OSBPL8: variants seen among roughly 807,000 people sequenced by gnomAD.
OSBPL8 encodes the protein oxysterol-binding protein-related protein 8.
In OSBPL8, 59 loss-of-function variants were observed where a neutral mutation model predicts 125.5. That is an observed-to-expected ratio of 0.47 (90% CI 0.38 to 0.58). OSBPL8 has a LOEUF of 0.58. Ranked by LOEUF, OSBPL8 falls within the 20% of genes least tolerant of loss-of-function variation. The pLI is 0.00. For synonymous variants in OSBPL8, 330 were observed against 338.9 expected, an observed-to-expected ratio of 0.97 and a Z score of 0.29; for missense variants, 758 against 1,047.8, an observed-to-expected ratio of 0.72 and a Z score of 3.82.
At chr12:76,506,350 C>T (rs974933004) in intron 1 of OSBPL8, among the ~76,000 whole-genome samples, 5 of 151,932 alleles carry the variant, frequency 3.3e-5, no homozygotes, top group East Asian at 1.9e-4. Context: ...GTGAGGCTGA[C>T]GGGGAAGAGG....
intron 5 of OSBPL8, among the ~76,000 whole-genome samples, chr12:76,409,348 C>T (rs1954413691): frequency 6.6e-6 from 1 of 152,208 alleles, no homozygotes; most frequent in South Asian, 2.1e-4. Context: ...CTAAATTCCC[C>T]TCAGTGTATT....
chr12:76,388,460 A>G (rs1278993928), intron 12 of OSBPL8, among the ~76,000 whole-genome samples: 1 of 152,212 alleles, frequency 6.6e-6, no homozygotes, highest in Non-Finnish European at 1.5e-5. Flanking sequence ...GACAGGGGGC[A>G]TCTCTCAAGA....
In OSBPL8 at chr12:76,373,324, C is replaced by T. The variant is rs376801620; in HGVS notation, c.1917+20G>A. 1 of 1,448,474 alleles carries T rather than the reference C, an allele frequency of 6.9e-7. No individual in the cohort carries two copies. The highest frequency in any genetic ancestry group is 9.5e-7 in the Non-Finnish European group (1 of 1,054,072). The allele number at this position is 1,448,474 out of a possible 1,614,324, so 89.7% of individuals were successfully genotyped here. A position where few individuals can be genotyped will look rare whatever the true frequency, so the allele number is the denominator to read the frequency against. On this transcript the variant is annotated intron_variant, in intron 18 of 23. Transcript: ENST00000261183. ...ACAGAATAAAATTCTTTTTGTAAAG[C>T]TCATATACAAAATACTTACCCAATG... is the stretch of plus-strand genomic sequence containing the variant.
At position 76,355,724 on chromosome 12, in the gene OSBPL8, C is replaced by G. The variant is rs1258085834; in HGVS notation, c.*165G>C. ...TAATCAAATAGGATAGCTCTTGTTT[C>G]AGTGTGAAGATAAAAGATACGAAAA... On this transcript the variant is annotated 3_prime_UTR_variant, in exon 24 of 24. Transcript: ENST00000261183. 1 of 652,936 alleles carries G rather than the reference C, an allele frequency of 1.5e-6. No individual in the cohort carries two copies. The highest frequency in any genetic ancestry group is 2.5e-6 in the Non-Finnish European group (1 of 402,518). 40.4% of individuals were successfully genotyped at this position (652,936 alleles called of 1,614,324 possible). A position where few individuals can be genotyped will look rare whatever the true frequency, so the allele number is the denominator to read the frequency against.
At chr12:76,535,351 A>C (rs957561217) in intron 1 of OSBPL8, among the ~76,000 whole-genome samples, 2 of 152,040 alleles carry the variant, frequency 1.3e-5, no homozygotes, top group African/African-American at 4.8e-5. Context: ...AAATCCAAGA[A>C]AAGATGCTTA....
intron 4 of OSBPL8, among the ~76,000 whole-genome samples, chr12:76,432,189 T>C (rs558705282): frequency 5.3e-4 from 80 of 152,072 alleles, no homozygotes; most frequent in Non-Finnish European, 9.4e-4. Flanking sequence ...AAAGAGAAAT[T>C]TTAAAAACAA....
At chr12:76,369,915 A>C in intron 19 of OSBPL8, 93 bp from the exon 20 acceptor site, 2 of 1,194,178 alleles carry the variant, frequency 1.7e-6, no homozygotes, top group Non-Finnish European at 2.3e-6. Flanking sequence ...TAGAGAAAAT[A>C]ATGCTCACAT....
intron 1 of OSBPL8, among the ~76,000 whole-genome samples, chr12:76,533,360 T>G (rs1950402755): frequency 3.3e-5 from 5 of 152,222 alleles, no homozygotes; most frequent in Admixed American, 1.3e-4. Context: ...TGGATCCTAC[T>G]ACTCAAGGTG....
intron 1 of OSBPL8, among the ~76,000 whole-genome samples, chr12:76,536,049 A>T (rs776217655): frequency 2.6e-5 from 4 of 152,194 alleles, no homozygotes; most frequent in Non-Finnish European, 5.9e-5. Flanking sequence ...ACCTGAATAA[A>T]GTAGTTTGGG....
chr12:76,360,559 T>A (rs1052057294), intron 21 of OSBPL8, among the ~76,000 whole-genome samples: 2 of 152,186 alleles, frequency 1.3e-5, no homozygotes, highest in East Asian at 3.9e-4. Flanking sequence ...AGTGCCCCAG[T>A]AGGGACTCTG....
chr12:76,368,785 G>GT (rs1321937240), intron 21 of OSBPL8, among the ~76,000 whole-genome samples: 1 of 152,112 alleles, frequency 6.6e-6, no homozygotes, highest in Admixed American at 6.5e-5. Context: ...GAGTGCCTGT[G>GT]TAAGTCCTTC....
intron 1 of OSBPL8, among the ~76,000 whole-genome samples, chr12:76,493,656 C>A (rs958246782): frequency 5.3e-5 from 8 of 152,088 alleles, no homozygotes; most frequent in African/African-American, 1.7e-4. Flanking sequence ...TTTTAAAATT[C>A]TCTTTGACTT....
intron 3 of OSBPL8, among the ~76,000 whole-genome samples, chr12:76,454,420 G>A (rs1418228326): frequency 4.6e-5 from 7 of 152,104 alleles, no homozygotes; most frequent in African/African-American, 1.4e-4. Context: ...CAGGCACAAC[G>A]GCTTGCATCT....
At chr12:76,529,889 C>T (rs1367320816) in intron 1 of OSBPL8, among the ~76,000 whole-genome samples, 3 of 152,330 alleles carry the variant, frequency 2.0e-5, no homozygotes, top group Middle Eastern at 3.4e-3. Context: ...GTAGTCATCA[C>T]ATAAACCCTA....
chr12:76,548,882 A>G (rs1950859264), intron 1 of OSBPL8, among the ~76,000 whole-genome samples: 1 of 152,212 alleles, frequency 6.6e-6, no homozygotes, highest in Admixed American at 6.5e-5. Context: ...ACTGAGCATG[A>G]AAAAAGAATG....
intron 18 of OSBPL8, among the ~76,000 whole-genome samples, 173 bp downstream of exon 18, chr12:76,373,171 C>T (rs1425349834): frequency 6.6e-6 from 1 of 152,026 alleles, no homozygotes; most frequent in East Asian, 1.9e-4. Flanking sequence ...AAATATTACA[C>T]AAAATTAACT....
intron 1 of OSBPL8, among the ~76,000 whole-genome samples, chr12:76,533,198 T>G (rs1167600630): frequency 2.6e-5 from 4 of 152,210 alleles, no homozygotes; most frequent in Non-Finnish European, 5.9e-5. Context: ...TTCATTTATG[T>G]GTTTCTTGCT....
At chr12:76,415,524 T>C (rs1393111861) in intron 4 of OSBPL8, among the ~76,000 whole-genome samples, 1 of 152,130 alleles carries the variant, frequency 6.6e-6, no homozygotes, top group East Asian at 1.9e-4. Context: ...CTGAGATTAC[T>C]GGCATGAGCC....
intron 1 of OSBPL8, among the ~76,000 whole-genome samples, chr12:76,492,809 A>G (rs1174502335): frequency 2.0e-5 from 3 of 152,098 alleles, no homozygotes; most frequent in Non-Finnish European, 1.5e-5. Context: ...AGAATACACA[A>G]TAAGTGTAAA....
Sources: gnomAD v4.1 joint callset for allele counts (sites outside exome capture counted in the v4.1 genomes callset) on GRCh38, gnomAD v4.1.1 for gene constraint, MANE v1.5 for transcripts, NCBI Gene and HGNC (gene_info 2026-07-23, HGNC 2026-07-21) for gene names.